The following CALD1 variants were observed in gnomAD, a reference collection of about 807,000 sequenced individuals.
CALD1 encodes the protein caldesmon 1.
CALD1 carries 33 observed loss-of-function variants against 99.9 expected under a neutral mutation model. That is an observed-to-expected ratio of 0.33 (90% CI 0.25 to 0.44). The LOEUF (loss-of-function observed/expected upper bound fraction) is 0.44. CALD1 is among the 20% of genes least tolerant of loss of function. CALD1 has a pLI of 1.00. For missense variants in CALD1, 861 were observed against 962.1 expected (o/e 0.89, Z 1.39); for synonymous variants, 310 against 325.0 (o/e 0.95, Z 0.50).
At position 134,958,066 on chromosome 7, in the gene CALD1, T is replaced by C. The variant is rs1584675224; in HGVS notation, c.1936-3T>C. 6.2e-7 allele frequency: 1 copy of C among 1,600,210 alleles called. No homozygotes were observed. On this transcript the variant is annotated splice_region_variant and splice_polypyrimidine_tract_variant and intron_variant, in intron 9 of 14. Transcript: ENST00000361675. Reference sequence around the variant, plus strand: ...TGGGTTTATTTTCTTTTGTAATTCCTAGATAGAAGAGCGAGCAGAATTTTT... The same window carrying C: ...TGGGTTTATTTTCTTTTGTAATTCCCAGATAGAAGAGCGAGCAGAATTTTT...
chr7:134,830,670 T>G (rs1225388439), intron 1 of CALD1, among the ~76,000 whole-genome samples: 1 of 152,202 alleles, frequency 6.6e-6, no homozygotes, highest in African/African-American at 2.4e-5. Flanking sequence ...GTATTTAGTT[T>G]TCTGTTCCTG....
chr7:134,905,279 T>C (rs759897938), intron 3 of CALD1, among the ~76,000 whole-genome samples: 5 of 152,130 alleles, frequency 3.3e-5, no homozygotes, highest in African/African-American at 7.2e-5. Flanking sequence ...ATGGTGAACA[T>C]TCATATAGTA....
chr7:134,958,407 ATTTTT>A (rs5887717), intron 11 of CALD1, 117 bp downstream of exon 11: 283 of 528,340 alleles, frequency 5.4e-4, no homozygotes, highest in Non-Finnish European at 6.2e-4. Flanking sequence ...GAGTGTTAGA[ATTTTT>A]TTTTTTTTTT....
At chr7:134,907,928 G>A (rs1384439806) in intron 3 of CALD1, among the ~76,000 whole-genome samples, 1 of 152,154 alleles carries the variant, frequency 6.6e-6, no homozygotes, top group Non-Finnish European at 1.5e-5. Flanking sequence ...GATTAAAGAG[G>A]ATAAGGTGTG....
chr7:134,950,560 G>A, intron 9 of CALD1, 46 bp downstream of exon 9: 1 of 1,499,020 alleles, frequency 6.7e-7, no homozygotes, highest in South Asian at 1.1e-5. Context: ...GATAGAGACT[G>A]GATTTTAGCC....
chr7:134,910,261 G>A (rs1803701921), intron 3 of CALD1, among the ~76,000 whole-genome samples: 1 of 152,156 alleles, frequency 6.6e-6, no homozygotes, highest in African/African-American at 2.4e-5. Flanking sequence ...CTCCAAAATT[G>A]AATGTAAACT....
chr7:134,711,660 C>CTCTCTCTCTCTCTCTCTCTCTCTA, the CALD1 span, among the ~76,000 whole-genome samples: 3 of 78,348 alleles, frequency 3.8e-5, no homozygotes, highest in African/African-American at 1.9e-4. Flanking sequence ...CTCTCTCTCT[C>CTCTCTCTCTCTCTCTCTCTCTCTA]TATATATATA....
intron 1 of CALD1, among the ~76,000 whole-genome samples, chr7:134,762,846 C>G (rs1796791157): frequency 6.6e-6 from 1 of 152,184 alleles, no homozygotes; most frequent in South Asian, 2.1e-4. Context: ...AGCCAGGACA[C>G]AGATCCAAAT....
intron 3 of CALD1, among the ~76,000 whole-genome samples, chr7:134,911,203 T>C (rs1028504767): frequency 1.1e-4 from 16 of 149,636 alleles, no homozygotes; most frequent in East Asian, 7.8e-4. Flanking sequence ...TTTTTCTTTT[T>C]TTTTTTTTTT....
At chr7:134,883,034 G>A (rs866623128) in intron 3 of CALD1, among the ~76,000 whole-genome samples, 1 of 152,118 alleles carries the variant, frequency 6.6e-6, no homozygotes, top group Non-Finnish European at 1.5e-5. Context: ...TATACCCTTT[G>A]GTTAATTTGT....
intron 1 of CALD1, among the ~76,000 whole-genome samples, chr7:134,799,185 A>T (rs907541270): frequency 6.6e-6 from 1 of 152,222 alleles, no homozygotes; most frequent in Non-Finnish European, 1.5e-5. Context: ...CGATGAGGAA[A>T]TGTAGGTATC....
intron 3 of CALD1, among the ~76,000 whole-genome samples, chr7:134,892,877 T>C (rs1802307808): frequency 6.6e-6 from 1 of 152,124 alleles, no homozygotes; most frequent in Admixed American, 6.6e-5. Flanking sequence ...TCATCCCTCT[T>C]CTACCCCACC....
intron 8 of CALD1, among the ~76,000 whole-genome samples, chr7:134,949,061 G>A (rs1563125143): frequency 6.6e-6 from 1 of 152,094 alleles, no homozygotes. Context: ...TATCTACTTT[G>A]CAGGATTCTT....
intron 1 of CALD1, among the ~76,000 whole-genome samples, chr7:134,830,076 G>GA (rs34049484): frequency 0.039 from 5,694 of 146,824 alleles, 118 homozygotes; most frequent in Non-Finnish European, 0.053. Context: ...GTTTGCTGAG[G>GA]AAAAAAAAAA....
intron 3 of CALD1, among the ~76,000 whole-genome samples, chr7:134,890,297 T>C (rs1488040493): frequency 6.6e-6 from 1 of 152,204 alleles, no homozygotes; most frequent in African/African-American, 2.4e-5. Flanking sequence ...CCTAACCCAA[T>C]TAAACTTTAA....
intron 1 of CALD1, among the ~76,000 whole-genome samples, chr7:134,767,285 A>G (rs985981577): frequency 1.3e-5 from 2 of 152,036 alleles, no homozygotes; most frequent in Non-Finnish European, 2.9e-5. Flanking sequence ...AGACGCATCT[A>G]TATCACACAG....
At chr7:134,730,980 C>A in the CALD1 span, among the ~76,000 whole-genome samples, 1 of 152,148 alleles carries the variant, frequency 6.6e-6, no homozygotes. Flanking sequence ...TTATTTCCCT[C>A]ATTCCATGCC....
At chr7:134,773,529 G>A (rs563196054) in intron 1 of CALD1, among the ~76,000 whole-genome samples, 1 of 151,824 alleles carries the variant, frequency 6.6e-6, no homozygotes, top group South Asian at 2.1e-4. Flanking sequence ...CCTCCCAAAG[G>A]GCTGGGATTA....
At chr7:134,891,712 T>G in intron 3 of CALD1, 1 of 1,228,026 alleles carries the variant, frequency 8.1e-7, no homozygotes, top group Non-Finnish European at 1.1e-6. Flanking sequence ...TTTCCTTTCT[T>G]TTTTTTTTTT....
Sources: allele counts gnomAD v4.1 joint callset (sites outside exome capture counted in the v4.1 genomes callset), GRCh38; gene constraint gnomAD v4.1.1; transcripts MANE v1.5; gene names NCBI Gene and HGNC (gene_info 2026-07-23, HGNC 2026-07-21).